Variants in IPO5 observed in about 807,000 individuals in gnomAD.
IPO5 encodes importin 5, also known as importin-5.
In IPO5, 18 loss-of-function variants were observed where a neutral mutation model predicts 143.3. That is an observed-to-expected ratio of 0.13 (90% CI 0.09 to 0.19). The LOEUF is 0.19. Among genes scored for constraint, IPO5 ranks in the 10% least tolerant of loss-of-function variants. The pLI is 1.00. For synonymous variants in IPO5, 477 were observed against 465.7 expected, an observed-to-expected ratio of 1.02 and a Z score of -0.31; for missense variants, 1,013 against 1,336.9, an observed-to-expected ratio of 0.76 and a Z score of 3.78.
intron 5 of IPO5, among the ~76,000 whole-genome samples, chr13:97,983,678 G>C (rs905120598): frequency 6.6e-6 from 1 of 151,800 alleles, no homozygotes; most frequent in African/African-American, 2.4e-5. Flanking sequence ...ATTACATTTA[G>C]AGTTTGTAGT....
Position 98,014,121 on chromosome 13 carries a change from G to T in IPO5, c.2232G>T (p.Gln744His), listed in dbSNP as rs755796698. The T allele has an allele frequency of 6.2e-7, 1 of 1,613,030 alleles. No individual in the cohort carries two copies. Among genetic ancestry groups the T allele is most frequent in the Non-Finnish European group, 8.5e-7 (1 of 1,179,020 alleles). The part of the protein sequence containing the change: ...ARVRGPEYLT[Q>H]MWHFMCDALI... ...TCCGTGGTCCTGAGTATCTCACACA[G>T]ATGTGGCATTTTATGTGTGATGCTC... is the stretch of plus-strand genomic sequence containing the variant. Residue 744 changes from glutamine to histidine, a missense_variant, in exon 22 of 29, where the codon CAG becomes CAT. This residue lies in a region of IPO5 where 685 missense variants were observed against 994.9 expected (regional missense o/e 0.69). Transcript: ENST00000651721.
At chr13:98,011,698 G>T (rs1217777707) in intron 20 of IPO5, among the ~76,000 whole-genome samples, 1 of 152,136 alleles carries the variant, frequency 6.6e-6, no homozygotes, top group African/African-American at 2.4e-5. Flanking sequence ...GTAGAGACGG[G>T]GTTTCACTGT....
At chr13:98,006,713 G>A (rs948705418) in intron 17 of IPO5, among the ~76,000 whole-genome samples, 9 of 151,998 alleles carry the variant, frequency 5.9e-5, no homozygotes, top group Non-Finnish European at 1.0e-4. Context: ...ACCTAACTTG[G>A]CTGTGGAGGC....
In IPO5 at chr13:97,985,502, G is replaced by A; in HGVS notation, c.253G>A (p.Val85Ile). The A allele has an allele frequency of 3.7e-6, 6 of 1,613,942 alleles. No individual in the cohort carries two copies. Among genetic ancestry groups the A allele is most frequent in the Non-Finnish European group, 5.1e-6 (6 of 1,179,882 alleles). The change falls in exon 6 of 29, where the codon GTT becomes ATT. Residue 85 changes from valine (V) to isoleucine (I), a missense_variant. By Grantham distance (29) the Val-to-Ile change is conservative. Transcript: ENST00000651721. ...DEVYPALPSD[V>I]QTAIKSELLM... ...AGTCTATCCAGCACTTCCCTCTGAT[G>A]TTCAGACTGCCATCAAGAGTGAGCT... is the stretch of plus-strand genomic sequence containing the variant.
At chr13:97,956,285 AATAAG>A (rs1345753837) in intron 2 of IPO5, among the ~76,000 whole-genome samples, 5 of 152,334 alleles carry the variant, frequency 3.3e-5, no homozygotes, top group Middle Eastern at 6.8e-3. Context: ...TTGAGAATTA[AATAAG>A]ATAAAGCATA....
rs192426827 is a variant in IPO5, at chr13:98,011,609, C to T, written c.2056-637C>T. On this transcript the variant is annotated intron_variant, in intron 20 of 28. Coordinates refer to ENST00000651721, the MANE Select transcript of IPO5 (RefSeq NM_002271.6). ...GCCACCTCCACCTCCTGGGTTCAAG[C>T]GATTCTCCTGCCTCAGCCTCCCAAG... is the stretch of plus-strand genomic sequence containing the variant. Among the ~76,000 whole-genome samples the T allele has an allele frequency of 3.3e-3, 488 of 147,280 alleles. 2 individuals are homozygous for T. Among genetic ancestry groups the T allele is most frequent in the African/African-American group, 0.011 (456 of 39,680 alleles).
intron 2 of IPO5, among the ~76,000 whole-genome samples, chr13:97,965,514 C>T (rs1189036881): frequency 6.6e-6 from 1 of 152,088 alleles, no homozygotes; most frequent in East Asian, 1.9e-4. Flanking sequence ...TTATTTAGAT[C>T]TTCTTTAATT....
intron 3 of IPO5, among the ~76,000 whole-genome samples, chr13:97,970,084 C>A (rs1388544633): frequency 6.6e-6 from 1 of 152,148 alleles, no homozygotes; most frequent in Non-Finnish European, 1.5e-5. Context: ...CAGCAAAGCA[C>A]TGCCCAATCG....
intron 27 of IPO5, among the ~76,000 whole-genome samples, chr13:98,020,273 A>G (rs1001600953): frequency 9.2e-5 from 14 of 152,202 alleles, no homozygotes; most frequent in African/African-American, 3.1e-4. Flanking sequence ...AGTCAGATCT[A>G]AGCTCTGTCG....
intron 28 of IPO5, 197 bp from the exon 29 acceptor site, chr13:98,021,539 A>C: frequency 2.4e-6 from 1 of 412,824 alleles, no homozygotes; most frequent in Non-Finnish European, 4.3e-6. Context: ...TTCAGTGCAA[A>C]AATGAAGAAA....
Position 98,021,845 on chromosome 13 carries a change from G to A in IPO5, c.*23G>A, listed in dbSNP as rs757279806. ...TGAAGGGCCTTAATGTCACCCACCAGAAAACTAACTCCAAATAAACGCTTA... is the reference window on the plus strand; with the variant it reads ...TGAAGGGCCTTAATGTCACCCACCAAAAAACTAACTCCAAATAAACGCTTA... On this transcript the variant is annotated 3_prime_UTR_variant, in exon 29 of 29. Transcript: ENST00000651721. The A allele has an allele frequency of 1.3e-6, 2 of 1,517,720 alleles. No individual in the cohort carries two copies. Among genetic ancestry groups the A allele is most frequent in the Non-Finnish European group, 1.8e-6 (2 of 1,101,650 alleles). The allele number at this position is 1,517,720 out of a possible 1,614,324, so 94.0% of individuals were successfully genotyped here. A position where few individuals can be genotyped will look rare whatever the true frequency, so the allele number is the denominator to read the frequency against.
Position 97,982,499 on chromosome 13 carries a change from G to A in IPO5, c.91-4G>A, listed in dbSNP as rs199594315. The A allele has an allele frequency of 1.3e-6, 2 of 1,582,096 alleles. No individual in the cohort carries two copies. Among genetic ancestry groups the A allele is most frequent in the East Asian group, 2.2e-5 (1 of 44,446 alleles). On this transcript the variant is annotated splice_region_variant and splice_polypyrimidine_tract_variant and intron_variant, in intron 4 of 28. Coordinates refer to ENST00000651721, the MANE Select transcript of IPO5 (RefSeq NM_002271.6). ...TTCCTAACCATTTTTTTTTTTCCAT[G>A]CAGGAAACCTATGAGAATATCCCAG...
intron 2 of IPO5, among the ~76,000 whole-genome samples, chr13:97,958,357 C>T (rs149149131): frequency 3.6e-4 from 55 of 152,278 alleles, no homozygotes; most frequent in African/African-American, 1.2e-3. Flanking sequence ...CCCCAAACAC[C>T]TCCTTCTCAT....
In IPO5 at chr13:97,983,965, C is replaced by CTTTTTTTTTTTTT. The variant is rs71117684; in HGVS notation, c.171+1401_171+1413dup. On this transcript the variant is annotated intron_variant, in intron 5 of 28. Transcript: ENST00000651721. ...TGAAGAACCCTATATAGGGTAACTT[C>CTTTTTTTTTTTTT]TTTTTTTTTTTTTTTTTTTTTTTTT... 6.5e-5 allele frequency among the ~76,000 whole-genome samples: 3 copies of CTTTTTTTTTTTTT among 45,848 alleles called. 1 individual carries two copies. The highest frequency in any genetic ancestry group is 7.8e-5 in the Non-Finnish European group (2 of 25,712). 30.1% of individuals were successfully genotyped at this position (45,848 alleles called of 152,430 possible). A position where few individuals can be genotyped will look rare whatever the true frequency, so the allele number is the denominator to read the frequency against.
chr13:98,012,170 T>C (rs1466201036), intron 20 of IPO5, 76 bp from the exon 21 acceptor site: 2 of 858,166 alleles, frequency 2.3e-6, no homozygotes, highest in African/African-American at 1.7e-5. Flanking sequence ...GTGGTCCTTA[T>C]GATTTTGCTG....
Position 98,022,845 on chromosome 13 carries a change from T to C in IPO5, c.*1023T>C, listed in dbSNP as rs1213933294. The C allele has an allele frequency of 6.6e-6, 1 of 152,670 alleles. No individual in the cohort carries two copies. Among genetic ancestry groups the C allele is most frequent in the Admixed American group, 6.5e-5 (1 of 15,282 alleles). 9.5% of individuals were successfully genotyped at this position (152,670 alleles called of 1,614,324 possible). A position where few individuals can be genotyped will look rare whatever the true frequency, so the allele number is the denominator to read the frequency against. On this transcript the variant is annotated 3_prime_UTR_variant, in exon 29 of 29. Transcript: ENST00000651721. ...CTTTTGAACTTTTAATTATAAGTGT[T>C]ATGGCTAAAGTTATTTACTGAAAAT...
chr13:98,001,174 A>G lies in IPO5; in HGVS notation c.1108+529A>G, dbSNP rs77849487. On this transcript the variant is annotated intron_variant, in intron 13 of 28. Coordinates refer to ENST00000651721, the MANE Select transcript of IPO5 (RefSeq NM_002271.6). Reference sequence around the variant, plus strand: ...TAGGCATGAGCTACCACACCTGGCCATCCTTCCTTTTTATTTCTATGAATA... The same window carrying G: ...TAGGCATGAGCTACCACACCTGGCCGTCCTTCCTTTTTATTTCTATGAATA... Among the ~76,000 whole-genome samples the G allele has an allele frequency of 0.014, 2,180 of 152,222 alleles. 107 individuals carry two copies. The East Asian group carries it at 0.18, about 13-fold the overall frequency.
intron 11 of IPO5, among the ~76,000 whole-genome samples, chr13:97,995,853 T>C (rs1280744652): frequency 6.6e-6 from 1 of 152,150 alleles, no homozygotes; most frequent in African/African-American, 2.4e-5. Flanking sequence ...GGCTAAATAT[T>C]ACAGATATAT....
chr13:97,977,228 AC>A (rs1886448377), intron 4 of IPO5, among the ~76,000 whole-genome samples: 1 of 151,694 alleles, frequency 6.6e-6, no homozygotes, highest in African/African-American at 2.4e-5. Context: ...CTGCTACCTG[AC>A]CCGTCACGCC....
Sources: gnomAD v4.1 joint callset for allele counts (sites outside exome capture counted in the v4.1 genomes callset) on GRCh38, gnomAD v4.1.1 for gene constraint, gnomAD v4.1.1 regional missense constraint, MANE v1.5 for transcripts, NCBI Gene and HGNC (gene_info 2026-07-23, HGNC 2026-07-21) for gene names.